ZNF18: variants seen among roughly 807,000 people sequenced by gnomAD.
ZNF18 encodes zinc finger protein 18.
In ZNF18, 42 loss-of-function variants were observed where a neutral mutation model predicts 58.1. The observed-to-expected ratio is 0.72, with a 90% CI of 0.56 to 0.93. The LOEUF (loss-of-function observed/expected upper bound fraction) is 0.93, where lower values mean the gene tolerates loss of function less well. Ranked by LOEUF, ZNF18 falls within the 40% of genes least tolerant of loss-of-function variation. ZNF18 has a pLI of 0.00. For synonymous variants in ZNF18, 231 were observed against 239.8 expected, an observed-to-expected ratio of 0.96 and a Z score of 0.34; for missense variants, 540 against 644.2, an observed-to-expected ratio of 0.84 and a Z score of 1.75.
upstream of ZNF18, among the ~76,000 whole-genome samples, chr17:11,998,904 G>C (rs1312147313): frequency 7.0e-6 from 1 of 143,498 alleles, no homozygotes; most frequent in Non-Finnish European, 1.5e-5. Flanking sequence ...TCGAACTCGT[G>C]ACCTCAAGTG....
At chr17:12,012,050 C>T in the ZNF18 span, among the ~76,000 whole-genome samples, 1 of 152,166 alleles carries the variant, frequency 6.6e-6, no homozygotes, top group Admixed American at 6.6e-5. Flanking sequence ...ATGACATTTA[C>T]AGTCCATAAG....
At chr17:11,995,269 C>CTTG (rs1555537048) in intron 1 of ZNF18, among the ~76,000 whole-genome samples, 12 of 150,672 alleles carry the variant, frequency 8.0e-5, no homozygotes, top group Non-Finnish European at 1.3e-4. Flanking sequence ...ATTAACCGGG[C>CTTG]GTGGTGGTGA....
Position 11,983,413 on chromosome 17 carries a change from G to C in ZNF18, c.752-6C>G. 6.2e-7 allele frequency: 1 copy of C among 1,608,832 alleles called. No individual in the cohort carries two copies. The highest frequency in any genetic ancestry group is 8.5e-7 in the Non-Finnish European group (1 of 1,175,228). On this transcript the variant is annotated splice_region_variant and splice_polypyrimidine_tract_variant and intron_variant, in intron 5 of 6. Transcript: ENST00000580306. ...TTTGGGATGGGAAATGCCTGCTATA[G>C]AGAGAAAGATGTATGGTGGGCCTGG...
At chr17:12,013,042 C>G in the ZNF18 span, among the ~76,000 whole-genome samples, 1 of 152,008 alleles carries the variant, frequency 6.6e-6, no homozygotes, top group Non-Finnish European at 1.5e-5. Flanking sequence ...ACCTCCGCCT[C>G]CTGGATTCAA....
the ZNF18 span, among the ~76,000 whole-genome samples, chr17:12,006,792 T>C: frequency 6.6e-6 from 1 of 152,152 alleles, no homozygotes; most frequent in Admixed American, 6.5e-5. Context: ...TGCCACAGTA[T>C]TTCAACAGTA....
At chr17:12,015,007 C>T in the ZNF18 span, among the ~76,000 whole-genome samples, 6 of 151,988 alleles carry the variant, frequency 3.9e-5, no homozygotes, top group East Asian at 1.9e-4. Context: ...GAGATCAAGC[C>T]GCTGCACTCC....
At chr17:12,016,093 A>G in the ZNF18 span, among the ~76,000 whole-genome samples, 3 of 152,010 alleles carry the variant, frequency 2.0e-5, no homozygotes, top group South Asian at 2.1e-4. Flanking sequence ...ACTCAGCCTG[A>G]TATTTGTTTA....
At chr17:12,010,819 G>T in the ZNF18 span, 1 of 424,286 alleles carries the variant, frequency 2.4e-6, no homozygotes, top group East Asian at 4.3e-5. Context: ...TGCTTTTCTG[G>T]GCAGTGCAGG....
chr17:11,983,526 C>G (rs1001762171), intron 5 of ZNF18, 119 bp from the exon 6 acceptor site: 4 of 718,384 alleles, frequency 5.6e-6, no homozygotes, highest in African/African-American at 3.5e-5. Context: ...TGGACACTTG[C>G]AGAAACTCAC....
At chr17:12,005,846 C>T in the ZNF18 span, among the ~76,000 whole-genome samples, 2 of 152,090 alleles carry the variant, frequency 1.3e-5, no homozygotes, top group Non-Finnish European at 2.9e-5. Flanking sequence ...CAAAATAATA[C>T]CTGTATATAT....
chr17:11,980,211 A>G (rs1432255049), intron 6 of ZNF18, among the ~76,000 whole-genome samples: 1 of 152,058 alleles, frequency 6.6e-6, no homozygotes, highest in Non-Finnish European at 1.5e-5. Context: ...ATATTTTTAA[A>G]CTTATGCCAT....
intron 1 of ZNF18, among the ~76,000 whole-genome samples, chr17:11,996,136 A>C (rs976839605): frequency 6.6e-6 from 1 of 152,240 alleles, no homozygotes; most frequent in Non-Finnish European, 1.5e-5. Flanking sequence ...GAAAAAAATC[A>C]CAAAGGAAAT....
intron 6 of ZNF18, among the ~76,000 whole-genome samples, chr17:11,979,841 T>G (rs1967221081): frequency 6.6e-6 from 1 of 152,162 alleles, no homozygotes; most frequent in African/African-American, 2.4e-5. Flanking sequence ...GCAAAGGTAC[T>G]TTCTCGTGTT....
chr17:12,012,976 A>G, the ZNF18 span, among the ~76,000 whole-genome samples: 1 of 148,300 alleles, frequency 6.7e-6, no homozygotes, highest in Non-Finnish European at 1.5e-5. Context: ...TTTTTGAGAC[A>G]GAGTCTTGAT....
chr17:12,007,465 A>C, the ZNF18 span, among the ~76,000 whole-genome samples: 1 of 151,998 alleles, frequency 6.6e-6, no homozygotes, highest in Non-Finnish European at 1.5e-5. Context: ...TTGTTAGCTG[A>C]ATTCTGATTT....
At chr17:11,982,698 GTA>G (rs1491026436) in intron 6 of ZNF18, among the ~76,000 whole-genome samples, 1 of 148,688 alleles carries the variant, frequency 6.7e-6, no homozygotes, top group Non-Finnish European at 1.5e-5. Flanking sequence ...GTGTGTGTGT[GTA>G]GGTTTCGCAA....
chr17:11,977,951 T>G lies in ZNF18; in HGVS notation c.*6A>C, dbSNP rs749677235. ...TAGAAATGGGGAAAGAGAGTTTGGT[T>G]ACTGGCTATTGAAAGGGCTTCTTTC... On this transcript the variant is annotated 3_prime_UTR_variant, in exon 7 of 7. Coordinates refer to ENST00000580306, the MANE Select transcript of ZNF18 (RefSeq NM_001303281.2). 11 of 1,548,670 alleles carry G rather than the reference T, an allele frequency of 7.1e-6. No homozygotes were observed. The highest frequency in any genetic ancestry group is 9.6e-6 in the Non-Finnish European group (11 of 1,150,916).
intron 1 of ZNF18, among the ~76,000 whole-genome samples, chr17:11,996,115 C>T (rs946999421): frequency 6.6e-6 from 1 of 152,022 alleles, no homozygotes; most frequent in East Asian, 1.9e-4. Context: ...TGCTCTTAAC[C>T]CATAGTCAAA....
At chr17:12,002,645 C>A in the ZNF18 span, among the ~76,000 whole-genome samples, 1 of 152,086 alleles carries the variant, frequency 6.6e-6, no homozygotes, top group East Asian at 1.9e-4. Flanking sequence ...CTGCATTTGT[C>A]CCAGGATAAA....
Sources: allele counts gnomAD v4.1 joint callset (sites outside exome capture counted in the v4.1 genomes callset), GRCh38; gene constraint gnomAD v4.1.1; transcripts MANE v1.5; gene names NCBI Gene and HGNC (gene_info 2026-07-23, HGNC 2026-07-21).